The following RGS17 variants were observed in gnomAD, a reference collection of about 807,000 sequenced individuals.
RGS17 encodes regulator of G protein signaling 17, also known as regulator of G-protein signaling 17.
In RGS17, 12 loss-of-function variants were observed where a neutral mutation model predicts 25.5. That is an observed-to-expected ratio of 0.47 (90% CI 0.30 to 0.76). The LOEUF is 0.76. Among genes scored for constraint, RGS17 ranks in the 30% least tolerant of loss-of-function variants. The pLI, the probability that RGS17 is intolerant of heterozygous loss-of-function variation, is 0.07. For synonymous variants in RGS17, 71 were observed against 76.9 expected (o/e 0.92, Z 0.40); for missense variants, 196 against 242.2 (o/e 0.81, Z 1.27).
intron 1 of RGS17, among the ~76,000 whole-genome samples, chr6:153,104,246 T>C (rs1479028970): frequency 2.0e-5 from 3 of 152,236 alleles, no homozygotes; most frequent in Admixed American, 6.5e-5. Flanking sequence ...AAAAGTGTTA[T>C]TGAATAACAT....
At chr6:153,062,489 T>G (rs1295019930) in intron 1 of RGS17, among the ~76,000 whole-genome samples, 1 of 152,164 alleles carries the variant, frequency 6.6e-6, no homozygotes, top group African/African-American at 2.4e-5. Flanking sequence ...GAACTTGAGT[T>G]CCCTCAAACC....
rs1161510124 is a variant in RGS17, at chr6:153,010,814, A to C, written c.*760T>G. 6 of 151,438 alleles carry C rather than the reference A, an allele frequency of 4.0e-5. No homozygotes were observed. Among genetic ancestry groups the C allele is most frequent in the Non-Finnish European group, 8.9e-5 (6 of 67,772 alleles). 9.4% of individuals were successfully genotyped at this position (151,438 alleles called of 1,614,324 possible). ...TTTTCTTCTATTACAGTTAAAAGCA[A>C]TATCACTCTTTTGATTTGTCATTGA... On this transcript the variant is annotated 3_prime_UTR_variant, in exon 5 of 5. Coordinates refer to ENST00000206262, the MANE Select transcript of RGS17 (RefSeq NM_012419.5).
chr6:153,027,151 T>C (rs1362654216), intron 2 of RGS17, among the ~76,000 whole-genome samples: 2 of 152,172 alleles, frequency 1.3e-5, no homozygotes, highest in Non-Finnish European at 2.9e-5. Context: ...GACAGACCAG[T>C]AACTGAGCAT....
chr6:153,087,573 T>C (rs582367), intron 1 of RGS17, among the ~76,000 whole-genome samples: 85,484 of 151,982 alleles, frequency 0.56, 24,222 homozygotes, highest in South Asian at 0.63. Context: ...CTTTCAACAT[T>C]TGCCCAGTTG....
At position 153,010,130 on chromosome 6, in the gene RGS17, CT is replaced by C. The variant is rs2129104862; in HGVS notation, c.*1443del. 1 of 151,610 alleles carries C rather than the reference CT, an allele frequency of 6.6e-6. No individual in the cohort carries two copies. Among genetic ancestry groups the C allele is most frequent in the Non-Finnish European group, 1.5e-5 (1 of 67,728 alleles). The allele number at this position is 151,610 out of a possible 1,614,324, so 9.4% of individuals were successfully genotyped here. Reference sequence around the variant, plus strand: ...TCAGTGGATATAAATCTTTTTAAAACTTTCATTTTAGGTTACTCAGTATTAT... The same window carrying C: ...TCAGTGGATATAAATCTTTTTAAAACTTCATTTTAGGTTACTCAGTATTAT... On this transcript the variant is annotated 3_prime_UTR_variant, in exon 5 of 5. Transcript: ENST00000206262.
At chr6:153,072,339 T>C (rs1439043595) in intron 1 of RGS17, among the ~76,000 whole-genome samples, 1 of 152,182 alleles carries the variant, frequency 6.6e-6, no homozygotes, top group Non-Finnish European at 1.5e-5. Context: ...GTAAAGGTCT[T>C]CAGCAATGTG....
chr6:153,037,585 C>T (rs1400051190), intron 2 of RGS17, among the ~76,000 whole-genome samples: 1 of 151,948 alleles, frequency 6.6e-6, no homozygotes, highest in African/African-American at 2.4e-5. Flanking sequence ...GCCACCACAC[C>T]CGGCTAATTT....
intron 1 of RGS17, among the ~76,000 whole-genome samples, chr6:153,068,908 A>C (rs1241894024): frequency 6.6e-6 from 1 of 152,190 alleles, no homozygotes; most frequent in Non-Finnish European, 1.5e-5. Context: ...ATGAGATATC[A>C]TCTCACCCCA....
chr6:153,123,051 G>A (rs750260083), intron 1 of RGS17, among the ~76,000 whole-genome samples: 26 of 151,696 alleles, frequency 1.7e-4, no homozygotes, highest in Non-Finnish European at 2.8e-4. Context: ...GGAGTAAATT[G>A]GAGTATTTAA....
chr6:153,110,779 A>G (rs1777458057), intron 1 of RGS17, among the ~76,000 whole-genome samples: 1 of 152,164 alleles, frequency 6.6e-6, no homozygotes, highest in Non-Finnish European at 1.5e-5. Context: ...GGTGCAGCCC[A>G]CAGAGGGCGA....
rs893779715 is a variant in RGS17 at position 153,036,597 on chromosome 6, C to T, written c.119+7303G>A. Among the ~76,000 whole-genome samples, 3 of 152,288 alleles carry T rather than the reference C, an allele frequency of 2.0e-5. No individual in the cohort carries two copies. In the South Asian group the frequency reaches 6.2e-4, roughly 32 times the overall value. On this transcript the variant is annotated intron_variant, in intron 2 of 4. Coordinates refer to ENST00000206262, the MANE Select transcript of RGS17 (RefSeq NM_012419.5). ...GCTTCAAATTCATTTATACAACTAA[C>T]TCTTGGATACCTCAATCAGAGCAAG...
rs1779054201 is a variant in RGS17, at chr6:153,004,646, A to T, written c.*6928T>A. On this transcript the variant is annotated 3_prime_UTR_variant, in exon 5 of 5. Coordinates refer to ENST00000206262, the MANE Select transcript of RGS17 (RefSeq NM_012419.5). ...ATATTTTTACATTACTGTCATGCTC[A>T]AATTCTGTTACATGGTGAAAATTCT... is the stretch of plus-strand genomic sequence containing the variant. 1 of 152,156 alleles carries T rather than the reference A, an allele frequency of 6.6e-6. No individual in the cohort carries two copies. Among genetic ancestry groups the T allele is most frequent in the African/African-American group, 2.4e-5 (1 of 41,452 alleles). 9.4% of individuals were successfully genotyped at this position (152,156 alleles called of 1,614,324 possible).
At chr6:153,127,471 G>T (rs757440193) in intron 1 of RGS17, among the ~76,000 whole-genome samples, 4 of 152,134 alleles carry the variant, frequency 2.6e-5, no homozygotes, top group Non-Finnish European at 5.9e-5. Flanking sequence ...ATTTATGCTT[G>T]CATCCTGCCT....
chr6:153,039,886 C>G (rs1461329042), intron 2 of RGS17, among the ~76,000 whole-genome samples: 4 of 152,104 alleles, frequency 2.6e-5, no homozygotes, highest in African/African-American at 9.7e-5. Flanking sequence ...TTGAGAGGAG[C>G]CTTCAGTATC....
chr6:153,114,272 T>TA (rs1777514163), intron 1 of RGS17, among the ~76,000 whole-genome samples: 1 of 151,994 alleles, frequency 6.6e-6, no homozygotes, highest in Non-Finnish European at 1.5e-5. Flanking sequence ...CCCACAGAAA[T>TA]ACAAACTACA....
intron 1 of RGS17, among the ~76,000 whole-genome samples, chr6:153,127,005 C>T (rs1312991860): frequency 2.0e-5 from 3 of 152,146 alleles, no homozygotes; most frequent in Admixed American, 6.5e-5. Context: ...AATTTTTCCA[C>T]GGATGGCAGT....
intron 1 of RGS17, among the ~76,000 whole-genome samples, chr6:153,065,316 A>T (rs1004972933): frequency 6.6e-6 from 1 of 152,350 alleles, no homozygotes; most frequent in Non-Finnish European, 1.5e-5. Flanking sequence ...AGCAAATATG[A>T]TTAGATCTAA....
chr6:153,089,247 A>G (rs1223234399), intron 1 of RGS17, among the ~76,000 whole-genome samples: 2 of 142,526 alleles, frequency 1.4e-5, no homozygotes, highest in African/African-American at 5.1e-5. Context: ...ATATGTATAT[A>G]TATTTATTTC....
intron 2 of RGS17, among the ~76,000 whole-genome samples, chr6:153,033,739 A>T (rs1412169480): frequency 6.6e-6 from 1 of 152,010 alleles, no homozygotes; most frequent in Non-Finnish European, 1.5e-5. Context: ...ATAAATAAAT[A>T]AAAATAAAAT....
Sources: gnomAD v4.1 joint callset for allele counts (sites outside exome capture counted in the v4.1 genomes callset) on GRCh38, gnomAD v4.1.1 for gene constraint, MANE v1.5 for transcripts, NCBI Gene and HGNC (gene_info 2026-07-23, HGNC 2026-07-21) for gene names.